Variants in CIT observed in about 807,000 individuals in gnomAD.
CIT encodes the protein citron rho-interacting serine/threonine kinase.
Under a neutral mutation model 272.7 loss-of-function variants are expected in CIT, and 79 were observed. The observed-to-expected ratio is 0.29, with a 90% CI of 0.24 to 0.35. CIT has a LOEUF of 0.35. CIT is among the 10% of genes least tolerant of loss of function. CIT has a pLI of 1.00. For missense variants in CIT, 1,909 were observed against 2,618.3 expected, an observed-to-expected ratio of 0.73 and a Z score of 5.91; for synonymous variants, 948 against 995.6, an observed-to-expected ratio of 0.95 and a Z score of 0.90.
rs1958379863 is a variant in CIT, at chr12:119,730,546, C to T, written c.3435G>A (p.Leu1145=). Residue 1145 remains leucine, a synonymous_variant, in exon 27 of 48, where the codon CTG becomes CTA. Coordinates refer to ENST00000392521, the MANE Select transcript of CIT (RefSeq NM_001206999.2). ...VKEHKAEILA[L]QQALKEQKLK... ...GCTTCTGCTCTTTGAGAGCCTGCTG[C>T]AGAGCGAGAATCTCAGCCTTGTGCT... 6.2e-7 allele frequency: 1 copy of T among 1,614,072 alleles called. No individual in the cohort carries two copies. The highest frequency in any genetic ancestry group is 8.5e-7 in the Non-Finnish European group (1 of 1,179,962).
chr12:119,809,019 T>C (rs1455661537), intron 9 of CIT, among the ~76,000 whole-genome samples: 1 of 152,170 alleles, frequency 6.6e-6, no homozygotes, highest in Admixed American at 6.5e-5. Flanking sequence ...AATGCAGTAC[T>C]TTTTTGCAAG....
At chr12:119,840,745 G>A (rs546410398) in intron 5 of CIT, among the ~76,000 whole-genome samples, 1 of 152,324 alleles carries the variant, frequency 6.6e-6, no homozygotes, top group African/African-American at 2.4e-5. Context: ...AGCAGCATGT[G>A]AGCAGGCCTG....
At position 119,692,171 on chromosome 12, in the gene CIT, G is replaced by A. The variant is rs138750408; in HGVS notation, c.5883-1717C>T. ...CTCTTCAAAAATATTTGAAAAAGCC[G>A]GGCACAGTGATGCATGCCTGTAGTC... On this transcript the variant is annotated intron_variant, in intron 46 of 47. Transcript: ENST00000392521. Among the ~76,000 whole-genome samples, 20 of 152,262 alleles carry A rather than the reference G, an allele frequency of 1.3e-4. 1 individual carries two copies. In the East Asian group the frequency reaches 1.9e-3, roughly 15 times the overall value.
At chr12:119,726,011 C>CGTGTGTGTGTGTGTGT (rs3999591) in intron 28 of CIT, among the ~76,000 whole-genome samples, 3,449 of 149,972 alleles carry the variant, frequency 0.023, 125 homozygotes, top group African/African-American at 0.077. Context: ...ACCAAATATA[C>CGTGTGTGTGTGTGTGT]GTGTGTGTGT....
intron 9 of CIT, among the ~76,000 whole-genome samples, chr12:119,816,134 T>A (rs1272316604): frequency 2.0e-5 from 3 of 152,164 alleles, no homozygotes; most frequent in Non-Finnish European, 4.4e-5. Context: ...TACTAGGCAC[T>A]CAATAAATGG....
chr12:119,706,440 A>G (rs1288051811), intron 40 of CIT, among the ~76,000 whole-genome samples: 1 of 149,134 alleles, frequency 6.7e-6, no homozygotes. Flanking sequence ...CCCTCCTCCC[A>G]CCCTCCACCC....
In CIT at chr12:119,711,020, C is replaced by G. The variant is rs370250419; in HGVS notation, c.4855-400G>C. The G allele has an allele frequency of 1.2e-5, 17 of 1,367,090 alleles. No homozygotes were observed. The South Asian group carries it at 1.5e-4, about 12-fold the overall frequency. 84.7% of individuals were successfully genotyped at this position (1,367,090 alleles called of 1,614,324 possible). On this transcript the variant is annotated intron_variant, in intron 37 of 47. Transcript: ENST00000392521. Reference sequence around the variant, plus strand: ...AAGTGCAAAGGCGCCGTGTTAGCAGCGAGCCAGCACGCCTCTGCATCTCTT... The same window carrying G: ...AAGTGCAAAGGCGCCGTGTTAGCAGGGAGCCAGCACGCCTCTGCATCTCTT...
intron 28 of CIT, among the ~76,000 whole-genome samples, chr12:119,726,751 T>G (rs1958135319): frequency 6.6e-6 from 1 of 152,184 alleles, no homozygotes; most frequent in African/African-American, 2.4e-5. Context: ...TGCAGGTCAA[T>G]CCTAAAGAAC....
At chr12:119,766,411 T>G (rs1378170481) in intron 19 of CIT, among the ~76,000 whole-genome samples, 1 of 152,194 alleles carries the variant, frequency 6.6e-6, no homozygotes, top group Non-Finnish European at 1.5e-5. Flanking sequence ...TCTCACTTAT[T>G]TGTGGGATCT....
At chr12:119,725,833 A>G (rs905736251) in intron 28 of CIT, among the ~76,000 whole-genome samples, 4 of 152,226 alleles carry the variant, frequency 2.6e-5, no homozygotes, top group Non-Finnish European at 5.9e-5. Context: ...GACAGGCAAG[A>G]GCATTGATTA....
At chr12:119,757,302 C>A in intron 22 of CIT, 69 bp downstream of exon 22, 3 of 1,576,746 alleles carry the variant, frequency 1.9e-6, no homozygotes, top group South Asian at 1.1e-5. Flanking sequence ...GATTTGTGCT[C>A]GAAAGCTGAC....
rs973263550 is a variant in CIT, at chr12:119,723,063, T to A, written c.3592-1614A>T. Reference sequence around the variant, plus strand: ...GAGCAAGACCCTGTCTCTAAAAAAATAAAAACGAAAATTTAAAAAAAAAAT... The same window carrying A: ...GAGCAAGACCCTGTCTCTAAAAAAAAAAAAACGAAAATTTAAAAAAAAAAT... On this transcript the variant is annotated intron_variant, in intron 28 of 47. Transcript: ENST00000392521. Among the ~76,000 whole-genome samples the A allele has an allele frequency of 8.5e-5, 10 of 117,024 alleles. No individual in the cohort carries two copies. In the East Asian group the frequency reaches 2.1e-3, roughly 25 times the overall value. 76.8% of individuals were successfully genotyped at this position (117,024 alleles called of 152,430 possible).
At chr12:119,704,797 C>T (rs557851017) in intron 40 of CIT, among the ~76,000 whole-genome samples, 1 of 152,348 alleles carries the variant, frequency 6.6e-6, no homozygotes, top group South Asian at 2.1e-4. Flanking sequence ...ACCTTTCCCA[C>T]ACATGTGCCT....
chr12:119,825,295 C>T lies in CIT; in HGVS notation c.827G>A (p.Gly276Glu), dbSNP rs199807196. Residue 276 changes from glycine to glutamate, a missense_variant, in exon 8 of 48, where the codon GGA becomes GAA. By Grantham distance (98) the Gly-to-Glu change is moderately conservative. Coordinates refer to ENST00000392521, the MANE Select transcript of CIT (RefSeq NM_001206999.2). ...PEVLTVMNGD[G>E]KGTYGLDCDW... Reference sequence around the variant, plus strand: ...ACAGTCCAGGCCGTAGGTGCCTTTTCCATCCCCGTTCATCACAGTCAGCAC... The same window carrying T: ...ACAGTCCAGGCCGTAGGTGCCTTTTTCATCCCCGTTCATCACAGTCAGCAC... The T allele has an allele frequency of 4.5e-5, 72 of 1,614,052 alleles. No individual in the cohort carries two copies. The highest frequency in any genetic ancestry group is 1.6e-4 in the Middle Eastern group (1 of 6,084).
At chr12:119,846,554 TGAA>T (rs1387696839) in intron 5 of CIT, among the ~76,000 whole-genome samples, 1 of 152,134 alleles carries the variant, frequency 6.6e-6, no homozygotes, top group African/African-American at 2.4e-5. Flanking sequence ...GCCTTGAAAA[TGAA>T]GTTTATCTTC....
chr12:119,840,673 A>G (rs976689207), intron 5 of CIT, among the ~76,000 whole-genome samples: 6 of 152,224 alleles, frequency 3.9e-5, no homozygotes, highest in South Asian at 2.1e-4. Context: ...ACAAGAACCA[A>G]TATTCTAAGT....
chr12:119,825,312 A>G lies in CIT; in HGVS notation c.810T>C (p.Thr270=). The G allele has an allele frequency of 1.2e-6, 2 of 1,614,170 alleles. No homozygotes were observed. The highest frequency in any genetic ancestry group is 2.2e-5 in the East Asian group (1 of 44,884). The change falls in exon 8 of 48, where the codon ACT becomes ACC. Residue 270 remains threonine (T), a synonymous_variant. Transcript: ENST00000392521. ...TPDYMAPEVL[T]VMNGDGKGTY... The stretch of plus-strand genomic sequence containing the variant: ...TGCCTTTTCCATCCCCGTTCATCAC[A>G]GTCAGCACTTCAGGAGCCATGTAAT...
chr12:119,868,935 G>T (rs1325827661), intron 3 of CIT, 125 bp downstream of exon 3: 5 of 1,140,540 alleles, frequency 4.4e-6, no homozygotes, highest in Non-Finnish European at 6.3e-6. Flanking sequence ...TTTGAACCTG[G>T]ATCTGTCTTA....
intron 25 of CIT, among the ~76,000 whole-genome samples, chr12:119,734,945 T>A (rs1958671375): frequency 6.6e-6 from 1 of 152,126 alleles, no homozygotes; most frequent in African/African-American, 2.4e-5. Flanking sequence ...GCTGCCACAC[T>A]GGCCCTATTT....
Sources: allele counts gnomAD v4.1 joint callset (sites outside exome capture counted in the v4.1 genomes callset), GRCh38; gene constraint gnomAD v4.1.1; transcripts MANE v1.5; gene names NCBI Gene and HGNC (gene_info 2026-07-23, HGNC 2026-07-21).